The following CCNY variants were observed in gnomAD, a reference collection of about 807,000 sequenced individuals.
The protein encoded by CCNY is cyclin Y.
Under a neutral mutation model 42.8 loss-of-function variants are expected in CCNY, and 19 were observed. The ratio of observed to expected loss-of-function variants is 0.44; its 90% CI spans 0.31 to 0.65. The LOEUF (loss-of-function observed/expected upper bound fraction) is 0.65, where lower values mean the gene tolerates loss of function less well. CCNY is among the 30% of genes least tolerant of loss of function. CCNY has a pLI of 0.07. For missense variants in CCNY, 370 were observed against 437.3 expected, an observed-to-expected ratio of 0.85 and a Z score of 1.37; for synonymous variants, 165 against 162.7, an observed-to-expected ratio of 1.01 and a Z score of -0.11.
intron 3 of CCNY, among the ~76,000 whole-genome samples, chr10:35,303,490 A>C (rs564752712): frequency 6.6e-6 from 1 of 150,854 alleles, no homozygotes; most frequent in South Asian, 2.1e-4. Context: ...AAGAAAGAGG[A>C]AAGAAGCCCA....
chr10:35,292,756 T>C (rs1835427888), intron 3 of CCNY, among the ~76,000 whole-genome samples: 1 of 151,828 alleles, frequency 6.6e-6, no homozygotes, highest in Admixed American at 6.6e-5. Flanking sequence ...TGCCTAATGT[T>C]ATCCTGTAAG....
chr10:35,502,697 C>T (rs1840134552), intron 3 of CCNY, among the ~76,000 whole-genome samples: 1 of 151,916 alleles, frequency 6.6e-6, no homozygotes, highest in South Asian at 2.1e-4. Context: ...CTGTTTAAAG[C>T]ACCTTTGAAA....
chr10:35,466,780 T>G (rs1385548899), intron 1 of CCNY, among the ~76,000 whole-genome samples: 3 of 152,162 alleles, frequency 2.0e-5, no homozygotes, highest in Non-Finnish European at 4.4e-5. Flanking sequence ...TTTTGTGGTG[T>G]TTTTTAAATA....
intron 1 of CCNY, among the ~76,000 whole-genome samples, chr10:35,401,853 A>G (rs1444651214): frequency 6.6e-6 from 1 of 152,202 alleles, no homozygotes; most frequent in Non-Finnish European, 1.5e-5. Flanking sequence ...GGGAGATTAC[A>G]AAGTACATTG....
At chr10:35,407,227 G>T (rs9732184) in intron 1 of CCNY, among the ~76,000 whole-genome samples, 10,069 of 152,158 alleles carry the variant, frequency 0.066, 527 homozygotes, top group African/African-American at 0.15. Context: ...ACCAGACTGG[G>T]TGTGGGGAAG....
At chr10:35,312,382 CAAAAAA>C (rs35909291) in intron 3 of CCNY, among the ~76,000 whole-genome samples, 28 of 61,466 alleles carry the variant, frequency 4.6e-4, no homozygotes, top group African/African-American at 1.7e-3. Flanking sequence ...CTCTGTGTCA[CAAAAAA>C]AAAAAAAAAA....
intron 1 of CCNY, among the ~76,000 whole-genome samples, chr10:35,343,074 C>T (rs1156713312): frequency 2.0e-5 from 3 of 148,704 alleles, no homozygotes; most frequent in South Asian, 2.1e-4. Context: ...GCGATCTTGG[C>T]TCACTGCAAC....
intron 3 of CCNY, among the ~76,000 whole-genome samples, chr10:35,269,130 A>T (rs568976590): frequency 1.0e-3 from 152 of 151,994 alleles, no homozygotes; most frequent in Non-Finnish European, 1.6e-3. Context: ...AATTTTCCAC[A>T]TTTTTACATA....
At chr10:35,291,247 T>C (rs1051865821) in intron 3 of CCNY, among the ~76,000 whole-genome samples, 5 of 152,066 alleles carry the variant, frequency 3.3e-5, no homozygotes, top group Non-Finnish European at 7.4e-5. Context: ...CCTTAGGTGA[T>C]CTACCTGCCT....
intron 1 of CCNY, among the ~76,000 whole-genome samples, chr10:35,460,076 C>G (rs747645955): frequency 1.3e-5 from 2 of 152,188 alleles, no homozygotes; most frequent in Non-Finnish European, 2.9e-5. Flanking sequence ...TTAACAGCAT[C>G]TCTTCCTTGG....
intron 1 of CCNY, among the ~76,000 whole-genome samples, chr10:35,432,362 CAGTA>C (rs1838432020): frequency 6.6e-6 from 1 of 152,184 alleles, no homozygotes. Flanking sequence ...TGCTGATACT[CAGTA>C]AGCACTAATA....
At chr10:35,482,749 GGTGTGTGTGTGTGTGTGTGTGTGTGT>G (rs56033862) in intron 1 of CCNY, among the ~76,000 whole-genome samples, 8 of 128,842 alleles carry the variant, frequency 6.2e-5, no homozygotes, top group Admixed American at 2.4e-4. Context: ...GCTGGAAATA[GGTGTGTGTGTGTGTGTGTGTGTGTGT>G]GTGTGTGTGT....
intron 3 of CCNY, among the ~76,000 whole-genome samples, chr10:35,511,924 C>T (rs78949030): frequency 0.011 from 1,695 of 152,260 alleles, 13 homozygotes; most frequent in Non-Finnish European, 0.017. Flanking sequence ...GGAGGCAACA[C>T]GATCTGATTT....
chr10:35,479,673 G>T (rs1839617679), intron 1 of CCNY, among the ~76,000 whole-genome samples: 2 of 150,806 alleles, frequency 1.3e-5, no homozygotes, highest in African/African-American at 4.9e-5. Context: ...ACGAGTTAGT[G>T]GGTGCAGCAC....
chr10:35,309,374 A>C (rs1162221747), intron 3 of CCNY, among the ~76,000 whole-genome samples: 2 of 152,188 alleles, frequency 1.3e-5, no homozygotes, highest in Non-Finnish European at 2.9e-5. Context: ...GTGATGGAGA[A>C]TCTACCTGGG....
chr10:35,373,442 C>T (rs1836982100), intron 1 of CCNY, among the ~76,000 whole-genome samples: 1 of 152,122 alleles, frequency 6.6e-6, no homozygotes, highest in African/African-American at 2.4e-5. Context: ...TCCCACCCCA[C>T]TTATGTTGAG....
intron 1 of CCNY, among the ~76,000 whole-genome samples, chr10:35,349,160 A>G (rs1012639813): frequency 1.4e-4 from 22 of 152,170 alleles, no homozygotes; most frequent in African/African-American, 5.1e-4. Context: ...CCTGGAACCA[A>G]TCCCCCTCGG....
At position 35,356,690 on chromosome 10, in the gene CCNY, GA is replaced by G. The variant is rs560891074; in HGVS notation, c.154+19489del. Among the ~76,000 whole-genome samples the G allele has an allele frequency of 1.0e-3, 155 of 152,210 alleles. 1 individual carries two copies. Among genetic ancestry groups the G allele is most frequent in the African/African-American group, 3.5e-3 (147 of 41,540 alleles). ...CTACTTACATTGAGAACCTAATAGG[GA>G]AAAAAGACTGGGCTTTGTAGTTGCA... On this transcript the variant is annotated intron_variant, in intron 1 of 9. Coordinates refer to ENST00000374704, the MANE Select transcript of CCNY (RefSeq NM_145012.6).
chr10:35,565,527 G>A (rs535272688), intron 8 of CCNY, among the ~76,000 whole-genome samples: 51 of 152,216 alleles, frequency 3.4e-4, no homozygotes, highest in East Asian at 1.5e-3. Context: ...CATAATCCCT[G>A]CCTTTTGCCT....
Sources: gnomAD v4.1 joint callset for allele counts (sites outside exome capture counted in the v4.1 genomes callset) on GRCh38, gnomAD v4.1.1 for gene constraint, MANE v1.5 for transcripts, NCBI Gene and HGNC (gene_info 2026-07-23, HGNC 2026-07-21) for gene names.